Variants in LTBP1 observed in about 807,000 individuals in gnomAD.
LTBP1 encodes the protein latent-transforming growth factor beta-binding protein 1.
A neutral mutation model predicts 207.6 loss-of-function variants in LTBP1; 129 were observed. That is an observed-to-expected ratio of 0.62 (90% CI 0.54 to 0.72). The LOEUF (loss-of-function observed/expected upper bound fraction) is 0.72. LTBP1 is among the 30% of genes least tolerant of loss of function. LTBP1 has a pLI of 0.00. For synonymous variants in LTBP1, 963 were observed against 833.7 expected, an observed-to-expected ratio of 1.16 and a Z score of -2.67; for missense variants, 2,281 against 2,217.2, an observed-to-expected ratio of 1.03 and a Z score of -0.58.
intron 3 of LTBP1, among the ~76,000 whole-genome samples, chr2:33,055,358 C>A (rs539452805): frequency 1.3e-5 from 2 of 152,164 alleles, no homozygotes; most frequent in Non-Finnish European, 2.9e-5. Flanking sequence ...CTTCCTTTCC[C>A]TGAGTTATGG....
intron 19 of LTBP1, chr2:33,291,565 C>G (rs2093775448): frequency 6.6e-6 from 1 of 152,102 alleles, no homozygotes; most frequent in Non-Finnish European, 1.5e-5. Context: ...TTCCCACAAC[C>G]AAGGAAAGGG....
intron 4 of LTBP1, among the ~76,000 whole-genome samples, chr2:33,130,102 T>C (rs1389919000): frequency 6.6e-6 from 1 of 152,198 alleles, no homozygotes; most frequent in African/African-American, 2.4e-5. Context: ...TTCTAAGCAT[T>C]ATTTAATATT....
intron 3 of LTBP1, among the ~76,000 whole-genome samples, chr2:33,029,699 C>T (rs1351467394): frequency 2.6e-5 from 4 of 152,120 alleles, no homozygotes; most frequent in African/African-American, 9.7e-5. Context: ...CCATGTTCTC[C>T]TTGCATCGTT....
intron 2 of LTBP1, among the ~76,000 whole-genome samples, chr2:33,008,653 C>T (rs1016401015): frequency 6.6e-5 from 10 of 152,210 alleles, no homozygotes; most frequent in African/African-American, 1.9e-4. Flanking sequence ...AAAGCAGCAA[C>T]TAAAATAGTC....
intron 31 of LTBP1, among the ~76,000 whole-genome samples, chr2:33,381,763 A>T (rs997388796): frequency 6.6e-6 from 1 of 152,074 alleles, no homozygotes; most frequent in East Asian, 1.9e-4. Context: ...GTATTTAATA[A>T]TTTTTTTCCC....
intron 26 of LTBP1, among the ~76,000 whole-genome samples, chr2:33,351,570 A>G (rs1164135467): frequency 6.6e-6 from 1 of 152,218 alleles, no homozygotes; most frequent in African/African-American, 2.4e-5. Context: ...AAGGACATCC[A>G]TATTCCCCTG....
At chr2:33,112,751 G>A (rs2080487968) in intron 4 of LTBP1, among the ~76,000 whole-genome samples, 1 of 152,156 alleles carries the variant, frequency 6.6e-6, no homozygotes, top group African/African-American at 2.4e-5. Flanking sequence ...TGGAAAGGAG[G>A]TACAGGTAGT....
At chr2:33,054,661 T>C (rs755241661) in intron 3 of LTBP1, among the ~76,000 whole-genome samples, 28 of 152,310 alleles carry the variant, frequency 1.8e-4, no homozygotes, top group South Asian at 6.2e-4. Context: ...CAGGATTCCT[T>C]GGGTGGTAAC....
chr2:33,278,504 T>A (rs1362703023), intron 18 of LTBP1, among the ~76,000 whole-genome samples: 1 of 152,234 alleles, frequency 6.6e-6, no homozygotes, highest in Non-Finnish European at 1.5e-5. Context: ...CCAAGGAGTC[T>A]ATTGTAGTTT....
intron 4 of LTBP1, among the ~76,000 whole-genome samples, chr2:33,111,134 C>T (rs994276630): frequency 3.9e-5 from 6 of 152,196 alleles, no homozygotes; most frequent in African/African-American, 1.2e-4. Flanking sequence ...AAATGTCCTG[C>T]ATAGCTCTCT....
At chr2:33,317,204 G>A (rs1483490068) in intron 24 of LTBP1, among the ~76,000 whole-genome samples, 1 of 152,164 alleles carries the variant, frequency 6.6e-6, no homozygotes, top group East Asian at 1.9e-4. Context: ...ATTTAAAAAT[G>A]TGGTTTTAGG....
chr2:33,035,504 G>A (rs1248038885), intron 3 of LTBP1, among the ~76,000 whole-genome samples: 3 of 152,074 alleles, frequency 2.0e-5, no homozygotes, highest in Admixed American at 6.5e-5. Flanking sequence ...ATGGTGAGGT[G>A]GACACCAAAT....
At chr2:33,021,877 G>T (rs922895097) in intron 3 of LTBP1, among the ~76,000 whole-genome samples, 1 of 152,120 alleles carries the variant, frequency 6.6e-6, no homozygotes, top group East Asian at 1.9e-4. Flanking sequence ...TCTCTGAGTT[G>T]CATTACAAGC....
intron 8 of LTBP1, among the ~76,000 whole-genome samples, chr2:33,219,395 A>G (rs1291369431): frequency 6.6e-6 from 1 of 152,222 alleles, no homozygotes; most frequent in African/African-American, 2.4e-5. Context: ...AGGGATAGCT[A>G]TGATGCATTT....
chr2:33,221,576 C>A (rs570804167), intron 8 of LTBP1, among the ~76,000 whole-genome samples: 125 of 152,306 alleles, frequency 8.2e-4, no homozygotes, highest in African/African-American at 3.0e-3. Flanking sequence ...TGAGAATCAT[C>A]TCATGACTGG....
Position 33,363,064 on chromosome 2 carries a change from A to T in LTBP1, c.4271-326A>T, listed in dbSNP as rs75345633. 3.3e-5 allele frequency among the ~76,000 whole-genome samples: 5 copies of T among 152,324 alleles called. No homozygotes were observed. In the East Asian group the frequency reaches 9.6e-4, roughly 29 times the overall value. ...ACAGAACACATTTCTTAAAAGGTATATATCCTTTTGTTGATGCCACTATGG... is the reference window on the plus strand; with the variant it reads ...ACAGAACACATTTCTTAAAAGGTATTTATCCTTTTGTTGATGCCACTATGG... On this transcript the variant is annotated intron_variant, in intron 28 of 33. Coordinates refer to ENST00000404816, the MANE Select transcript of LTBP1 (RefSeq NM_206943.4).
chr2:33,164,957 A>G (rs538201361), intron 5 of LTBP1, among the ~76,000 whole-genome samples: 1 of 152,352 alleles, frequency 6.6e-6, no homozygotes, highest in African/African-American at 2.4e-5. Flanking sequence ...GCAAGTACAT[A>G]AGAGTGGTGG....
chr2:33,151,173 C>G (rs1427807870), intron 5 of LTBP1, among the ~76,000 whole-genome samples: 1 of 152,164 alleles, frequency 6.6e-6, no homozygotes, highest in Non-Finnish European at 1.5e-5. Flanking sequence ...TAGGTTGTTT[C>G]TACCTTTTTG....
chr2:32,961,253 C>T (rs148527219), intron 2 of LTBP1, among the ~76,000 whole-genome samples: 121 of 152,234 alleles, frequency 7.9e-4, no homozygotes, highest in African/African-American at 2.6e-3. Context: ...ACTGGACCTC[C>T]GGGTCTCTGC....
Sources: gnomAD v4.1 joint callset for allele counts (sites outside exome capture counted in the v4.1 genomes callset) on GRCh38, gnomAD v4.1.1 for gene constraint, MANE v1.5 for transcripts, NCBI Gene and HGNC (gene_info 2026-07-23, HGNC 2026-07-21) for gene names.